CC2D2A: variants seen among roughly 807,000 people sequenced by gnomAD.
The protein encoded by CC2D2A is coiled-coil and C2 domain containing 2A.
In CC2D2A, 155 loss-of-function variants were observed where a neutral mutation model predicts 212.9. The observed-to-expected ratio is 0.73, with a 90% CI of 0.64 to 0.83. The LOEUF is 0.83. CC2D2A is among the 40% of genes least tolerant of loss of function. CC2D2A has a pLI of 0.00. For synonymous variants in CC2D2A, 667 were observed against 686.5 expected, an observed-to-expected ratio of 0.97 and a Z score of 0.44; for missense variants, 1,856 against 1,956.2, an observed-to-expected ratio of 0.95 and a Z score of 0.97.
At chr4:15,545,205 G>A (rs1268795540) in intron 17 of CC2D2A, among the ~76,000 whole-genome samples, 2 of 152,178 alleles carry the variant, frequency 1.3e-5, no homozygotes, top group African/African-American at 2.4e-5. Flanking sequence ...GCAACTTTAG[G>A]AGGGTAGAAA....
chr4:15,519,618 T>A lies in CC2D2A; in HGVS notation c.1149+2862T>A, dbSNP rs1487048495. 7 of 434,288 alleles carry A rather than the reference T, an allele frequency of 1.6e-5. 1 individual carries two copies. The highest frequency in any genetic ancestry group is 9.9e-5 in the Admixed American group (4 of 40,572). 26.9% of individuals were successfully genotyped at this position (434,288 alleles called of 1,614,324 possible). ...AGAAAGAGGTTTAATGGACTTACAG[T>A]TCCACATGGCTGGGGAGGCCTCACA... On this transcript the variant is annotated intron_variant, in intron 11 of 36. Coordinates refer to ENST00000424120, the MANE Select transcript of CC2D2A (RefSeq NM_001378615.1).
intron 23 of CC2D2A, among the ~76,000 whole-genome samples, chr4:15,562,823 G>A (rs1381190472): frequency 6.6e-6 from 1 of 152,222 alleles, no homozygotes; most frequent in Non-Finnish European, 1.5e-5. Flanking sequence ...GATAACCCAG[G>A]AACTGCCTAA....
intron 22 of CC2D2A, among the ~76,000 whole-genome samples, chr4:15,559,957 G>A (rs893648280): frequency 1.3e-5 from 2 of 151,992 alleles, no homozygotes; most frequent in East Asian, 1.9e-4. Flanking sequence ...TCAGCCTCTC[G>A]AATAGCCAGG....
chr4:15,516,986 C>T (rs1383747681), intron 11 of CC2D2A, among the ~76,000 whole-genome samples: 5 of 129,288 alleles, frequency 3.9e-5, no homozygotes, highest in African/African-American at 1.2e-4. Flanking sequence ...GTCTCGCTGT[C>T]GCCCAGGTTG....
At chr4:15,493,636 T>G (rs1200929118) in intron 4 of CC2D2A, among the ~76,000 whole-genome samples, 1 of 152,174 alleles carries the variant, frequency 6.6e-6, no homozygotes, top group Non-Finnish European at 1.5e-5. Context: ...GATCCTGTGT[T>G]ATTTGTCTCT....
intron 6 of CC2D2A, among the ~76,000 whole-genome samples, chr4:15,506,039 G>C (rs1354464097): frequency 6.6e-6 from 1 of 152,180 alleles, no homozygotes; most frequent in Non-Finnish European, 1.5e-5. Context: ...AGCCTTCTTG[G>C]AGGATACAAC....
chr4:15,589,868 A>C (rs1424959524), intron 33 of CC2D2A, among the ~76,000 whole-genome samples, 189 bp downstream of exon 33: 1 of 151,904 alleles, frequency 6.6e-6, no homozygotes, highest in African/African-American at 2.4e-5. Context: ...TGCTAAATAC[A>C]ACTTTTGGTT....
chr4:15,488,343 G>A (rs1157279185), intron 4 of CC2D2A, among the ~76,000 whole-genome samples: 1 of 152,240 alleles, frequency 6.6e-6, no homozygotes, highest in Non-Finnish European at 1.5e-5. Context: ...CTCTAAGTTG[G>A]AAGTTTTGTT....
chr4:15,544,271 G>C (rs761834185), intron 17 of CC2D2A, among the ~76,000 whole-genome samples: 2 of 152,178 alleles, frequency 1.3e-5, no homozygotes, highest in Non-Finnish European at 2.9e-5. Context: ...AATAGAGGAG[G>C]AGCTGCAGGG....
intron 17 of CC2D2A, among the ~76,000 whole-genome samples, chr4:15,541,335 T>C (rs1718433338): frequency 6.6e-6 from 1 of 151,530 alleles, no homozygotes; most frequent in African/African-American, 2.4e-5. Flanking sequence ...ATAGTAATAA[T>C]AATTATTATT....
At chr4:15,570,812 A>G (rs1720128112) in intron 28 of CC2D2A, among the ~76,000 whole-genome samples, 1 of 152,054 alleles carries the variant, frequency 6.6e-6, no homozygotes, top group South Asian at 2.1e-4. Flanking sequence ...TGCTTGAACC[A>G]GGGAGGCAGA....
intron 3 of CC2D2A, among the ~76,000 whole-genome samples, chr4:15,480,013 T>C (rs1250117364): frequency 6.6e-6 from 1 of 152,234 alleles, no homozygotes; most frequent in African/African-American, 2.4e-5. Flanking sequence ...CATGGGGACT[T>C]TTTGTTTAAA....
At chr4:15,565,397 C>CA (rs1305841307) in intron 24 of CC2D2A, among the ~76,000 whole-genome samples, 1 of 117,854 alleles carries the variant, frequency 8.5e-6, no homozygotes, top group Non-Finnish European at 1.8e-5. Flanking sequence ...CATCCACATA[C>CA]GGTTTTTTTT....
intron 14 of CC2D2A, among the ~76,000 whole-genome samples, chr4:15,534,125 T>C (rs1717994954): frequency 6.6e-6 from 1 of 152,244 alleles, no homozygotes; most frequent in Non-Finnish European, 1.5e-5. Flanking sequence ...ATTTCCTCTT[T>C]TGTGAGGTGT....
At chr4:15,519,297 A>G (rs1332119028) in intron 11 of CC2D2A, 7 of 392,766 alleles carry the variant, frequency 1.8e-5, no homozygotes, top group South Asian at 1.4e-4. Flanking sequence ...GTTCCCAACA[A>G]GTTCCTCATC....
intron 17 of CC2D2A, among the ~76,000 whole-genome samples, chr4:15,541,558 T>A (rs1033724790): frequency 2.6e-5 from 4 of 152,074 alleles, no homozygotes; most frequent in Admixed American, 2.0e-4. Flanking sequence ...CTGGAGTGTC[T>A]GCCTTGAGAT....
chr4:15,495,777 G>T (rs1715581676), intron 4 of CC2D2A, among the ~76,000 whole-genome samples: 1 of 152,174 alleles, frequency 6.6e-6, no homozygotes, highest in Admixed American at 6.5e-5. Context: ...CCAAATGATA[G>T]TTCTATTTTA....
chr4:15,571,402 C>T (rs535930872), intron 28 of CC2D2A, among the ~76,000 whole-genome samples: 4 of 152,202 alleles, frequency 2.6e-5, no homozygotes, highest in East Asian at 3.9e-4. Flanking sequence ...GTTCTGAAAT[C>T]GCTTTGAAGT....
At chr4:15,530,409 T>C (rs1390181858) in intron 13 of CC2D2A, among the ~76,000 whole-genome samples, 2 of 152,208 alleles carry the variant, frequency 1.3e-5, no homozygotes, top group Non-Finnish European at 2.9e-5. Context: ...AATTATTTTT[T>C]ATATTAAAAG....
Sources: gnomAD v4.1 joint callset for allele counts (sites outside exome capture counted in the v4.1 genomes callset) on GRCh38, gnomAD v4.1.1 for gene constraint, MANE v1.5 for transcripts, NCBI Gene and HGNC (gene_info 2026-07-23, HGNC 2026-07-21) for gene names.